The following MEGF6 variants were observed in gnomAD, a reference collection of about 807,000 sequenced individuals.
MEGF6 encodes the protein multiple epidermal growth factor-like domains protein 6.
Under a neutral mutation model 207.1 loss-of-function variants are expected in MEGF6, and 184 were observed. The ratio of observed to expected loss-of-function variants is 0.89; its 90% confidence interval spans 0.79 to 1.00. The LOEUF (loss-of-function observed/expected upper bound fraction) is 1.00, where lower values mean the gene tolerates loss of function less well. Among genes scored for constraint, MEGF6 ranks in the 50% least tolerant of loss-of-function variants. The pLI is 0.00. For synonymous variants in MEGF6, 1,038 were observed against 910.0 expected, an observed-to-expected ratio of 1.14 and a Z score of -2.53; for missense variants, 2,282 against 2,202.9, an observed-to-expected ratio of 1.04 and a Z score of -0.72.
rs772953088 is a variant in MEGF6, at chr1:3,524,153, C to A, written c.575G>T (p.Arg192Leu). Residue 192 changes from arginine to leucine, a missense_variant, in exon 5 of 37, where the codon CGG becomes CTG. Arg to Leu is a moderately radical substitution (Grantham distance 102). Transcript: ENST00000356575. The stretch of plus-strand genomic sequence containing the variant: ...GCAGGTCCTGCTGTCAGTGTGGAGC[C>A]GGAAGCCGGGCTTGCACTCACAGAG... ...SYLCECKPGFRLHTDSRTCLA... is the reference protein window; with the variant it reads ...SYLCECKPGFLLHTDSRTCLA... The A allele has an allele frequency of 6.2e-7, 1 of 1,612,652 alleles. No homozygotes were observed. The highest frequency in any genetic ancestry group is 1.3e-5 in the African/African-American group (1 of 75,064).
At chr1:3,494,820 A>G (rs1640534415) in intron 30 of MEGF6, 79 bp from the exon 31 acceptor site, 3 of 1,456,404 alleles carry the variant, frequency 2.1e-6, no homozygotes, top group Non-Finnish European at 2.7e-6. Context: ...CCACAGGCTG[A>G]CAGTCACTCG....
intron 5 of MEGF6, among the ~76,000 whole-genome samples, chr1:3,522,309 C>T (rs72633389): frequency 6.6e-6 from 1 of 152,152 alleles, no homozygotes; most frequent in African/African-American, 2.4e-5. Flanking sequence ...CGGGCACCAG[C>T]CCTGGAGAAG....
chr1:3,519,773 C>T (rs1173040509), intron 5 of MEGF6, among the ~76,000 whole-genome samples: 2 of 152,260 alleles, frequency 1.3e-5, no homozygotes, highest in Non-Finnish European at 2.9e-5. Flanking sequence ...CCGGGCCTCC[C>T]CTCCAAGAAG....
intron 4 of MEGF6, among the ~76,000 whole-genome samples, chr1:3,561,161 C>T (rs1382745868): frequency 6.6e-6 from 1 of 152,184 alleles, no homozygotes; most frequent in Non-Finnish European, 1.5e-5. Flanking sequence ...GCACGCAGAC[C>T]TGAGGCTGAT....
intron 14 of MEGF6, among the ~76,000 whole-genome samples, chr1:3,506,844 T>A (rs1269094080): frequency 6.6e-6 from 1 of 152,150 alleles, no homozygotes; most frequent in Non-Finnish European, 1.5e-5. Flanking sequence ...AGCCCTACAT[T>A]ATCCAGGCTG....
At chr1:3,535,982 GCAACT>G (rs1642316391) in intron 4 of MEGF6, among the ~76,000 whole-genome samples, 2 of 152,186 alleles carry the variant, frequency 1.3e-5, no homozygotes, top group Non-Finnish European at 2.9e-5. Flanking sequence ...GCTCAGTGCT[GCAACT>G]CTCCAAGGGG....
rs1171560054 is a variant in MEGF6, at chr1:3,508,600, A to C, written c.1618T>G (p.Cys540Gly). ...CCAGTCCAGCCCTCGGGGCAATCAC[A>C]GCCATCCAGGCCCAGGAGGCAGGTC... ...GGTCLLGLDG[C>G]DCPEGWTGLI... Residue 540 changes from cysteine (C) to glycine (G), a missense_variant, in exon 13 of 37, where the codon TGT becomes GGT. By Grantham distance (159) the Cys-to-Gly change is radical (BLOSUM62 -3). Transcript: ENST00000356575. 2 of 1,613,334 alleles carry C rather than the reference A, an allele frequency of 1.2e-6. No individual in the cohort carries two copies. The highest frequency in any genetic ancestry group is 1.3e-5 in the African/African-American group (1 of 74,920).
intron 4 of MEGF6, chr1:3,531,549 C>A (rs1642173652): frequency 1.0e-6 from 1 of 967,912 alleles, no homozygotes; most frequent in African/African-American, 1.8e-5. Context: ...CCCAGGGGGC[C>A]GCGCCGGCCC....
intron 4 of MEGF6, among the ~76,000 whole-genome samples, chr1:3,551,072 G>C (rs1477616040): frequency 6.6e-6 from 1 of 152,242 alleles, no homozygotes; most frequent in Admixed American, 6.5e-5. Flanking sequence ...GCGTGGCCAT[G>C]TGGCCAGGCA....
rs550098069 is a variant in MEGF6, at chr1:3,490,494, G to A, written c.*34C>T. On this transcript the variant is annotated 3_prime_UTR_variant, in exon 37 of 37. Transcript: ENST00000356575. ...AAAGGCCAGGGTCCCCTCTGGCTGG[G>A]ACTGGAGAGGCGGGCTCCACGGGAC... The A allele has an allele frequency of 6.2e-7, 1 of 1,611,324 alleles. No individual in the cohort carries two copies. Among genetic ancestry groups the A allele is most frequent in the South Asian group, 1.1e-5 (1 of 90,996 alleles).
intron 3 of MEGF6, among the ~76,000 whole-genome samples, chr1:3,589,146 G>A (rs535286627): frequency 2.6e-4 from 40 of 152,266 alleles, no homozygotes; most frequent in African/African-American, 8.4e-4. Flanking sequence ...ATGTAGAGAC[G>A]GAGGCAGAGT....
chr1:3,592,391 T>A (rs1643994266), intron 3 of MEGF6, among the ~76,000 whole-genome samples: 1 of 151,674 alleles, frequency 6.6e-6, no homozygotes, highest in Admixed American at 6.6e-5. Context: ...ACTCCCGCAG[T>A]CCCCAGCACC....
At chr1:3,601,074 T>C (rs949662928) in intron 2 of MEGF6, among the ~76,000 whole-genome samples, 21 of 152,156 alleles carry the variant, frequency 1.4e-4, no homozygotes, top group Admixed American at 1.0e-3. Context: ...CTGCCCCCAG[T>C]GCCCTGCCAG....
rs758181395 is a variant in MEGF6 at position 3,514,676 on chromosome 1, C to T, written c.731-4G>A. On this transcript the variant is annotated splice_region_variant and splice_polypyrimidine_tract_variant and intron_variant, in intron 6 of 36. Transcript: ENST00000356575. ...CTGTTGGCACACGGGCTTCTACCTG[C>T]AGCCACGGGCCCGAGGAGGGGGTTG... 3 of 1,571,468 alleles carry T rather than the reference C, an allele frequency of 1.9e-6. No individual in the cohort carries two copies. The highest frequency in any genetic ancestry group is 1.7e-6 in the Non-Finnish European group (2 of 1,160,696).
rs770501814 is a variant in MEGF6, at chr1:3,488,250, C to T, written c.*2278G>A. On this transcript the variant is annotated 3_prime_UTR_variant, in exon 37 of 37. Coordinates refer to ENST00000356575, the MANE Select transcript of MEGF6 (RefSeq NM_001409.4). The stretch of plus-strand genomic sequence containing the variant: ...TGCTTTATTTTCCTCTGCTCCTGAC[C>T]GCCGTTGGATAGCTGAGATTTCCTC... 3.0e-4 allele frequency among the ~76,000 whole-genome samples: 45 copies of T among 152,148 alleles called. No homozygotes were observed. The highest frequency in any genetic ancestry group is 9.6e-4 in the East Asian group (5 of 5,190).
Position 3,611,335 on chromosome 1 carries a change from G to A in MEGF6, c.-67C>T. ...GCCCCGGCGGCTCCCCGGAGCCTCC[G>A]CCTCCACGTGCGCCATAGGACGCAG... On this transcript the variant is annotated 5_prime_UTR_variant, in exon 1 of 37. Coordinates refer to ENST00000356575, the MANE Select transcript of MEGF6 (RefSeq NM_001409.4). The A allele has an allele frequency of 2.2e-6, 3 of 1,381,238 alleles. No individual in the cohort carries two copies. The highest frequency in any genetic ancestry group is 2.8e-6 in the Non-Finnish European group (3 of 1,073,818). The allele number at this position is 1,381,238 out of a possible 1,614,324, so 85.6% of individuals were successfully genotyped here.
At chr1:3,592,663 T>G (rs1643998464) in intron 3 of MEGF6, among the ~76,000 whole-genome samples, 1 of 152,068 alleles carries the variant, frequency 6.6e-6, no homozygotes, top group African/African-American at 2.4e-5. Context: ...CTCCCACCCT[T>G]GGGGCTCAGG....
At chr1:3,559,457 G>T (rs1643125837) in intron 4 of MEGF6, among the ~76,000 whole-genome samples, 1 of 149,648 alleles carries the variant, frequency 6.7e-6, no homozygotes, top group Non-Finnish European at 1.5e-5. Flanking sequence ...AGGAGTTTGA[G>T]GCTGCAGTGA....
intron 4 of MEGF6, among the ~76,000 whole-genome samples, chr1:3,559,339 G>A (rs1466250948): frequency 6.6e-6 from 1 of 152,024 alleles, no homozygotes; most frequent in East Asian, 1.9e-4. Flanking sequence ...ACACCACTAG[G>A]AACCTCGACA....
Sources: allele counts gnomAD v4.1 joint callset (sites outside exome capture counted in the v4.1 genomes callset), GRCh38; gene constraint gnomAD v4.1.1; transcripts MANE v1.5; gene names NCBI Gene and HGNC (gene_info 2026-07-23, HGNC 2026-07-21).